Variants in APTX observed in about 807,000 individuals in gnomAD.
APTX encodes the protein aprataxin.
A neutral mutation model predicts 42.3 loss-of-function variants in APTX; 33 were observed. The observed-to-expected ratio is 0.78, with a 90% CI of 0.59 to 1.04. The LOEUF is 1.04. Ranked by LOEUF, APTX falls within the 50% of genes least tolerant of loss-of-function variation. APTX has a pLI of 0.00. For missense variants in APTX, 421 were observed against 415.1 expected (o/e 1.01, Z -0.12); for synonymous variants, 130 against 146.7 (o/e 0.89, Z 0.82).
chr9:32,989,266 T>C (rs1164244793), intron 2 of APTX, among the ~76,000 whole-genome samples: 1 of 152,174 alleles, frequency 6.6e-6, no homozygotes. Flanking sequence ...TGTGCATGTT[T>C]ACAGGAAAAA....
At chr9:33,000,640 A>G (rs376234748) in intron 1 of APTX, among the ~76,000 whole-genome samples, 9,626 of 148,456 alleles carry the variant, frequency 0.065, 433 homozygotes, top group Non-Finnish European at 0.1. Context: ...AAAAAAAAAA[A>G]AAAAAAAGAA....
Position 32,973,160 on chromosome 9 carries a change from T to A in APTX, c.*338A>T, listed in dbSNP as rs1200539983. The stretch of plus-strand genomic sequence containing the variant: ...GGAGGATAAATCTAAGAAACAGAAA[T>A]GTATAACCAGCCCAATGCTTCCATA... On this transcript the variant is annotated 3_prime_UTR_variant, in exon 8 of 8. Transcript: ENST00000379817. The A allele has an allele frequency of 4.2e-6, 2 of 478,090 alleles. No homozygotes were observed. The highest frequency in any genetic ancestry group is 8.2e-6 in the Non-Finnish European group (2 of 243,194). 29.6% of individuals were successfully genotyped at this position (478,090 alleles called of 1,614,324 possible).
Position 32,988,121 on chromosome 9 carries a change from T to G in APTX, c.142A>C (p.Lys48Gln), listed in dbSNP as rs769809499. The G allele has an allele frequency of 2.5e-6, 4 of 1,614,116 alleles. No homozygotes were observed. Among genetic ancestry groups the G allele is most frequent in the Non-Finnish European group, 3.4e-6 (4 of 1,179,952 alleles). The change falls in exon 3 of 8, where the codon AAA becomes CAA. Residue 48 changes from lysine to glutamine, a missense_variant. Physicochemically the swap from Lys to Gln is moderately conservative, Grantham distance 53 (BLOSUM62 1). Coordinates refer to ENST00000379817, the MANE Select transcript of APTX (RefSeq NM_001195248.2). ...ACATATCCCTTGTTACACTCTGCTT[T>G]CAACTGTACTGAAAGAGATTGGAAA... ...KKCSRQQVQL[K>Q]AECNKGYVKV... is the part of the protein sequence containing the mutation.
chr9:32,997,919 T>C (rs1379826138), intron 1 of APTX, among the ~76,000 whole-genome samples: 2 of 151,264 alleles, frequency 1.3e-5, no homozygotes, highest in Non-Finnish European at 2.9e-5. Context: ...CATCTGGGGG[T>C]GGAGGGGAGT....
chr9:33,001,335 G>C (rs1428847327), intron 1 of APTX: 1 of 1,524,896 alleles, frequency 6.6e-7, no homozygotes, highest in Non-Finnish European at 8.8e-7. Context: ...GTACATACAG[G>C]TGTCGGGAGC....
At chr9:33,007,618 T>G (rs373821518) in intron 1 of APTX, among the ~76,000 whole-genome samples, 1 of 152,170 alleles carries the variant, frequency 6.6e-6, no homozygotes, top group Admixed American at 6.5e-5. Context: ...TTAGTGGTGA[T>G]AGAATGAAAA....
intron 1 of APTX, 65 bp from the exon 2 acceptor site, chr9:32,989,960 C>T (rs893994986): frequency 6.4e-7 from 1 of 1,555,896 alleles, no homozygotes; most frequent in Non-Finnish European, 8.7e-7. Flanking sequence ...TCCAGGGCCA[C>T]ACCCGGTGCC....
At chr9:32,982,029 C>T (rs891284549) in intron 6 of APTX, among the ~76,000 whole-genome samples, 3 of 150,740 alleles carry the variant, frequency 2.0e-5, no homozygotes, top group African/African-American at 7.3e-5. Flanking sequence ...AAGGTGAAAA[C>T]CTGGCAGACA....
chr9:33,008,184 T>G (rs1837292342), intron 1 of APTX, among the ~76,000 whole-genome samples: 1 of 151,962 alleles, frequency 6.6e-6, no homozygotes, highest in African/African-American at 2.4e-5. Flanking sequence ...GGGAGGCCTA[T>G]GAGGAGCTTG....
intron 1 of APTX, among the ~76,000 whole-genome samples, chr9:32,992,517 C>T (rs1356936075): frequency 2.6e-5 from 4 of 152,152 alleles, no homozygotes; most frequent in Non-Finnish European, 5.9e-5. Context: ...ACACAGATTT[C>T]GGCAATGGCA....
At chr9:33,015,420 C>T (rs900363153) in intron 1 of APTX, among the ~76,000 whole-genome samples, 1 of 152,072 alleles carries the variant, frequency 6.6e-6, no homozygotes, top group African/African-American at 2.4e-5. Context: ...AGTGCAATGG[C>T]GCGATCTCAG....
intron 6 of APTX, among the ~76,000 whole-genome samples, chr9:32,977,892 T>C (rs1829823559): frequency 6.6e-6 from 1 of 152,002 alleles, no homozygotes; most frequent in Non-Finnish European, 1.5e-5. Flanking sequence ...TGGTCTCTGA[T>C]ATAAGAAGGT....
At chr9:32,981,868 G>C (rs1397498356) in intron 6 of APTX, among the ~76,000 whole-genome samples, 2 of 151,954 alleles carry the variant, frequency 1.3e-5, no homozygotes, top group Non-Finnish European at 2.9e-5. Flanking sequence ...AGTCACCATA[G>C]AGTAAATACC....
At position 32,990,140 on chromosome 9, in the gene APTX, G is replaced by A. The variant is rs1587494121; in HGVS notation, c.-4-245C>T. 10 of 531,968 alleles carry A rather than the reference G, an allele frequency of 1.9e-5. No individual in the cohort carries two copies. The East Asian group carries it at 3.1e-4, about 17-fold the overall frequency. 33.0% of individuals were successfully genotyped at this position (531,968 alleles called of 1,614,324 possible). On this transcript the variant is annotated intron_variant, in intron 1 of 7. Transcript: ENST00000379817. ...TACCTCCCTGCCTGAATCATGCTAGGCAATCAAATATTTATTACACATTTA... is the reference window on the plus strand; with the variant it reads ...TACCTCCCTGCCTGAATCATGCTAGACAATCAAATATTTATTACACATTTA...
intron 1 of APTX, among the ~76,000 whole-genome samples, chr9:32,990,958 C>CTCTTGTT (rs1378083304): frequency 1.3e-4 from 19 of 151,900 alleles, no homozygotes; most frequent in African/African-American, 4.4e-4. Context: ...CGGAGCTTCA[C>CTCTTGTT]TCTTGTTGCC....
intron 1 of APTX, chr9:33,019,916 A>T: frequency 1.9e-6 from 1 of 523,810 alleles, no homozygotes; most frequent in East Asian, 3.2e-5. Context: ...TTCCACCTCT[A>T]AGGGGGTCGG....
chr9:32,988,155 C>G (rs1832651678), intron 2 of APTX, 26 bp from the exon 3 acceptor site: 1 of 1,610,532 alleles, frequency 6.2e-7, no homozygotes, highest in African/African-American at 1.3e-5. Context: ...AAAAGTTAAA[C>G]ACAAATGCAA....
At chr9:32,989,448 A>C (rs754411639) in intron 2 of APTX, among the ~76,000 whole-genome samples, 22 of 152,166 alleles carry the variant, frequency 1.4e-4, no homozygotes, top group Non-Finnish European at 2.6e-4. Context: ...TAGACTCCAG[A>C]GTTTACATCT....
At chr9:32,986,052 AAAC>A (rs758192415) in intron 4 of APTX, 22 bp from the exon 5 acceptor site, 24 of 670,676 alleles carry the variant, frequency 3.6e-5, no homozygotes, top group Middle Eastern at 5.1e-4. Context: ...ACAAAAAAAA[AAAC>A]AAAAAAAAAA....
Sources: gnomAD v4.1 joint callset for allele counts (sites outside exome capture counted in the v4.1 genomes callset) on GRCh38, gnomAD v4.1.1 for gene constraint, MANE v1.5 for transcripts, NCBI Gene and HGNC (gene_info 2026-07-23, HGNC 2026-07-21) for gene names.